Variants in GPI observed in about 807,000 individuals in gnomAD.
The protein encoded by GPI is glucose-6-phosphate isomerase.
GPI carries 56 observed loss-of-function variants against 75.8 expected under a neutral mutation model. The ratio of observed to expected loss-of-function variants is 0.74; its 90% CI spans 0.60 to 0.92. GPI has a LOEUF of 0.92. GPI is among the 40% of genes least tolerant of loss of function. The pLI is 0.00. For missense variants in GPI, 638 were observed against 741.0 expected, an observed-to-expected ratio of 0.86 and a Z score of 1.61; for synonymous variants, 288 against 285.4, an observed-to-expected ratio of 1.01 and a Z score of -0.09.
intron 4 of GPI, among the ~76,000 whole-genome samples, chr19:34,369,902 G>A (rs1372378667): frequency 3.3e-5 from 5 of 152,164 alleles, no homozygotes; most frequent in Admixed American, 1.3e-4. Flanking sequence ...TGCAGCCTGG[G>A]CGACAGCAAG....
rs2075023113 is a variant in GPI, at chr19:34,401,580, T to C, written c.*1544T>C. 2.6e-5 allele frequency: 4 copies of C among 151,254 alleles called. No homozygotes were observed. The highest frequency in any genetic ancestry group is 6.6e-5 in the Admixed American group (1 of 15,190). 9.4% of individuals were successfully genotyped at this position (151,254 alleles called of 1,614,324 possible). On this transcript the variant is annotated 3_prime_UTR_variant, in exon 18 of 18. Coordinates refer to ENST00000356487, the MANE Select transcript of GPI (RefSeq NM_000175.5). ...GTCTTGAATTCCAGGGCTCAAGAGATCTCCCACCTCAGCCTCCCACAGTGC... is the reference window on the plus strand; with the variant it reads ...GTCTTGAATTCCAGGGCTCAAGAGACCTCCCACCTCAGCCTCCCACAGTGC...
intron 8 of GPI, chr19:34,379,841 C>T (rs962067214): frequency 6.9e-6 from 4 of 582,922 alleles, no homozygotes; most frequent in Non-Finnish European, 1.2e-5. Context: ...CCTTCATACA[C>T]ATGACCTTCC....
intron 9 of GPI, among the ~76,000 whole-genome samples, chr19:34,383,588 G>A (rs765443571): frequency 6.6e-5 from 10 of 152,210 alleles, no homozygotes; most frequent in Non-Finnish European, 1.3e-4. Context: ...AGCTCAGGGC[G>A]TCAGAGGCCT....
At chr19:34,376,260 C>CA (rs1447915663) in intron 4 of GPI, among the ~76,000 whole-genome samples, 2 of 152,048 alleles carry the variant, frequency 1.3e-5, no homozygotes, top group African/African-American at 2.4e-5. Flanking sequence ...GCTGTCTCTA[C>CA]AAAAAATAAA....
chr19:34,391,819 A>G (rs1201897994), intron 9 of GPI, among the ~76,000 whole-genome samples: 2 of 868 alleles, frequency 2.3e-3, no homozygotes, highest in African/African-American at 7.2e-3. Context: ...TAATTATGAG[A>G]ATCTGGTTCT....
At chr19:34,392,379 C>G (rs1281843814) in intron 9 of GPI, 1 of 116,866 alleles carries the variant, frequency 8.6e-6, no homozygotes, top group Non-Finnish European at 1.8e-5. Flanking sequence ...GGATCTGGGT[C>G]TATGTCTGAG....
chr19:34,398,579 AT>A (rs1164508730), intron 14 of GPI: 1 of 152,142 alleles, frequency 6.6e-6, no homozygotes, highest in Non-Finnish European at 1.5e-5. Flanking sequence ...GGTTCAAGTG[AT>A]TCTCGTGCTT....
chr19:34,367,540 G>A (rs1361094740), intron 3 of GPI, among the ~76,000 whole-genome samples: 1 of 152,214 alleles, frequency 6.6e-6, no homozygotes, highest in Non-Finnish European at 1.5e-5. Flanking sequence ...CAGGAGTGGG[G>A]TCTGGCAGGG....
chr19:34,372,738 CAA>C, intron 4 of GPI, among the ~76,000 whole-genome samples: 1 of 152,222 alleles, frequency 6.6e-6, no homozygotes, highest in Middle Eastern at 3.4e-3. Flanking sequence ...GCCAGGAGTT[CAA>C]GACTAGCTTG....
chr19:34,368,536 C>G (rs761835706), intron 3 of GPI, 47 bp from the exon 4 acceptor site: 1 of 1,611,944 alleles, frequency 6.2e-7, no homozygotes. Context: ...AGCATGGCTG[C>G]CTGGGGTTGG....
chr19:34,382,706 G>GCTCCT (rs2074673428), intron 9 of GPI, among the ~76,000 whole-genome samples: 1 of 152,088 alleles, frequency 6.6e-6, no homozygotes, highest in Non-Finnish European at 1.5e-5. Context: ...GCAGATCGGG[G>GCTCCT]TGTCCTTGCT....
At chr19:34,374,069 C>T (rs986153621) in intron 4 of GPI, among the ~76,000 whole-genome samples, 5 of 151,366 alleles carry the variant, frequency 3.3e-5, no homozygotes, top group Non-Finnish European at 5.9e-5. Flanking sequence ...CCGGCTCAAG[C>T]GATTCTCCTG....
At chr19:34,394,146 C>A in intron 12 of GPI, 80 bp downstream of exon 12, 1 of 1,047,176 alleles carries the variant, frequency 9.5e-7, no homozygotes, top group Non-Finnish European at 1.5e-6. Context: ...GGTTTCAGCT[C>A]CTCCAGGAGC....
rs748924212 is a variant in GPI at position 34,396,418 on chromosome 19, C to T, written c.1180C>T (p.Leu394Phe). 3.1e-6 allele frequency: 5 copies of T among 1,614,178 alleles called. No homozygotes were observed. The highest frequency in any genetic ancestry group is 4.2e-6 in the Non-Finnish European group (5 of 1,180,022). The change falls in exon 13 of 18, where the codon CTC becomes TTC. Residue 394 changes from leucine to phenylalanine, a missense_variant. By Grantham distance (22) the Leu-to-Phe change is conservative (BLOSUM62 0). Transcript: ENST00000356487. ...GTNGQHAFYQ[L>F]IHQGTKMIPC... ...CAATGGCCAGCATGCTTTTTACCAG[C>T]TCATCCACCAAGGTAGGCCCCTGTG...
upstream of GPI, among the ~76,000 whole-genome samples, chr19:34,360,610 A>G (rs1418233856): frequency 6.6e-6 from 1 of 151,976 alleles, no homozygotes; most frequent in Non-Finnish European, 1.5e-5. Flanking sequence ...CTAATAAGAC[A>G]TAACTGGGAT....
At chr19:34,361,819 A>G (rs1331549274), upstream of GPI, among the ~76,000 whole-genome samples, 1 of 151,954 alleles carries the variant, frequency 6.6e-6, no homozygotes, top group East Asian at 1.9e-4. Flanking sequence ...CATCTCTACT[A>G]AAAATACAAA....
At chr19:34,396,911 A>G (rs1268121755) in intron 14 of GPI, among the ~76,000 whole-genome samples, 3 of 152,172 alleles carry the variant, frequency 2.0e-5, no homozygotes, top group Non-Finnish European at 4.4e-5. Context: ...CCCGGCCTCA[A>G]GTGATTCTTA....
At chr19:34,379,990 G>GTTTTTTTTTTTT (rs953154032) in intron 8 of GPI, 1 of 102,004 alleles carries the variant, frequency 9.8e-6, no homozygotes, top group African/African-American at 4.7e-5. Flanking sequence ...GTGTGGTTTT[G>GTTTTTTTTTTTT]TTTTTTTTTT....
intron 4 of GPI, among the ~76,000 whole-genome samples, chr19:34,370,111 A>G (rs549172741): frequency 8.2e-4 from 125 of 152,320 alleles, no homozygotes; most frequent in African/African-American, 2.8e-3. Context: ...TGTGTCAGTG[A>G]CAGTGCATGT....
Sources: allele counts gnomAD v4.1 joint callset (sites outside exome capture counted in the v4.1 genomes callset), GRCh38; gene constraint gnomAD v4.1.1; transcripts MANE v1.5; gene names NCBI Gene and HGNC (gene_info 2026-07-23, HGNC 2026-07-21).